LSAMP: variants seen among roughly 807,000 people sequenced by gnomAD.
The protein encoded by LSAMP is limbic system-associated membrane protein.
A neutral mutation model predicts 38.6 loss-of-function variants in LSAMP; 7 were observed. That is an observed-to-expected ratio of 0.18 (90% CI 0.10 to 0.34). The LOEUF (loss-of-function observed/expected upper bound fraction) is 0.34, where lower values mean the gene tolerates loss of function less well. LSAMP is among the 10% of genes least tolerant of loss of function. The probability of loss-of-function intolerance (pLI) is 1.00; values close to 1 mark genes in which losing one functional copy is unlikely to be tolerated. For missense variants in LSAMP, 313 were observed against 420.0 expected, an observed-to-expected ratio of 0.75 and a Z score of 2.23; for synonymous variants, 154 against 166.8, an observed-to-expected ratio of 0.92 and a Z score of 0.59.
intron 1 of LSAMP, among the ~76,000 whole-genome samples, chr3:116,123,660 A>G (rs1708938824): frequency 6.6e-6 from 1 of 152,222 alleles, no homozygotes; most frequent in Non-Finnish European, 1.5e-5. Context: ...GGATAAGGGT[A>G]TCCATGATGC....
chr3:116,379,900 A>C (rs2048535512), intron 1 of LSAMP, among the ~76,000 whole-genome samples: 3 of 152,068 alleles, frequency 2.0e-5, no homozygotes. Flanking sequence ...CCTTCATTTC[A>C]CTCAGATCGC....
chr3:116,046,938 A>C (rs1218743715), intron 2 of LSAMP, among the ~76,000 whole-genome samples: 1 of 152,204 alleles, frequency 6.6e-6, no homozygotes, highest in Non-Finnish European at 1.5e-5. Context: ...CCAGTCAGGC[A>C]GATGAAAAAA....
chr3:116,126,244 G>A (rs1265658143), intron 1 of LSAMP, among the ~76,000 whole-genome samples: 2 of 152,068 alleles, frequency 1.3e-5, no homozygotes, highest in African/African-American at 2.4e-5. Context: ...CCTGAATCTC[G>A]GCCACATCAA....
chr3:116,102,167 T>C (rs1302287121), intron 1 of LSAMP, among the ~76,000 whole-genome samples: 3 of 152,196 alleles, frequency 2.0e-5, no homozygotes, highest in East Asian at 3.8e-4. Context: ...TCTCCACTGA[T>C]CCTTTGTCTG....
chr3:116,283,989 G>A (rs994524904), intron 1 of LSAMP, among the ~76,000 whole-genome samples: 2 of 152,136 alleles, frequency 1.3e-5, no homozygotes, highest in Non-Finnish European at 1.5e-5. Context: ...CTGGGTGATA[G>A]AGTGAGACTC....
intron 3 of LSAMP, among the ~76,000 whole-genome samples, chr3:115,991,439 C>T (rs1052619976): frequency 5.3e-5 from 8 of 152,028 alleles, no homozygotes; most frequent in African/African-American, 1.9e-4. Context: ...TATACATGTG[C>T]ATGCCTGTGG....
intron 3 of LSAMP, among the ~76,000 whole-genome samples, chr3:115,964,426 T>G (rs1938731083): frequency 1.3e-5 from 2 of 152,304 alleles, no homozygotes; most frequent in South Asian, 4.1e-4. Flanking sequence ...GTACCTAATT[T>G]ACTTACATGA....
chr3:116,421,014 G>A (rs143567947), intron 1 of LSAMP, among the ~76,000 whole-genome samples: 5 of 152,238 alleles, frequency 3.3e-5, no homozygotes, highest in Admixed American at 1.3e-4. Flanking sequence ...CTGCCTCATA[G>A]CATACATAGA....
At chr3:116,368,020 A>C (rs1286527741) in intron 1 of LSAMP, 1 of 152,202 alleles carries the variant, frequency 6.6e-6, no homozygotes, top group African/African-American at 2.4e-5. Context: ...AAACTAATGA[A>C]ATGAGTGGCA....
At chr3:116,352,571 G>C (rs1165484840) in intron 1 of LSAMP, among the ~76,000 whole-genome samples, 1 of 152,084 alleles carries the variant, frequency 6.6e-6, no homozygotes, top group Non-Finnish European at 1.5e-5. Context: ...GTGCTCTAAT[G>C]TGGAAATAGT....
chr3:116,410,600 A>G (rs1017334948), intron 1 of LSAMP, among the ~76,000 whole-genome samples: 4 of 152,038 alleles, frequency 2.6e-5, no homozygotes, highest in African/African-American at 7.2e-5. Flanking sequence ...TCATAGCAAA[A>G]TTCAGGTCAC....
chr3:115,922,186 C>T lies in LSAMP; in HGVS notation c.515-69569G>A, dbSNP rs1028825125. ...AACAAGCTTTTTGCTTCCTTCTCTC[C>T]TCCTTCTGGAATTTCCATAATGCCT... On this transcript the variant is annotated intron_variant, in intron 3 of 6. Coordinates refer to ENST00000490035, the MANE Select transcript of LSAMP (RefSeq NM_002338.5). 5.9e-5 allele frequency among the ~76,000 whole-genome samples: 9 copies of T among 152,084 alleles called. No individual in the cohort carries two copies. The East Asian group carries it at 1.7e-3, about 29-fold the overall frequency.
intron 1 of LSAMP, among the ~76,000 whole-genome samples, chr3:116,140,742 CT>C (rs1385015287): frequency 6.6e-6 from 1 of 151,924 alleles, no homozygotes; most frequent in South Asian, 2.1e-4. Context: ...CAATATGTAT[CT>C]GCTCAAGGGT....
At chr3:116,020,744 T>C (rs1027342369) in intron 2 of LSAMP, among the ~76,000 whole-genome samples, 2 of 152,216 alleles carry the variant, frequency 1.3e-5, no homozygotes, top group African/African-American at 4.8e-5. Flanking sequence ...ACAGAGGTTA[T>C]GCACTGATTA....
In LSAMP at chr3:115,852,026, G is replaced by A. The variant is rs984746808; in HGVS notation, c.649+457C>T. The stretch of plus-strand genomic sequence containing the variant: ...GGACACATGGTGTCTGACCAGAGTG[G>A]CTCTAATTTGTTCCCAAGGCCAATT... On this transcript the variant is annotated intron_variant, in intron 4 of 6. Transcript: ENST00000490035. 2.0e-5 allele frequency among the ~76,000 whole-genome samples: 3 copies of A among 152,166 alleles called. No individual in the cohort carries two copies. The East Asian group carries it at 5.8e-4, about 29-fold the overall frequency.
chr3:116,032,659 T>C lies in LSAMP; in HGVS notation c.389-13019A>G, dbSNP rs1343647. Among the ~76,000 whole-genome samples the C allele has an allele frequency of 9.4e-3, 1,433 of 152,088 alleles. 22 individuals carry two copies. Among genetic ancestry groups the C allele is most frequent in the African/African-American group, 0.031 (1,284 of 41,490 alleles). On this transcript the variant is annotated intron_variant, in intron 2 of 6. Transcript: ENST00000490035. ...AAAAATTTATGGAAAAAAAATTAGC[T>C]GGACATGGTGGCACACACCTGTAGT... is the stretch of plus-strand genomic sequence containing the variant.
intron 1 of LSAMP, among the ~76,000 whole-genome samples, chr3:116,272,412 C>T (rs923677634): frequency 2.6e-5 from 4 of 152,108 alleles, no homozygotes; most frequent in African/African-American, 9.7e-5. Flanking sequence ...CATCTTATTG[C>T]ACTTATCGAA....
chr3:115,972,837 A>G (rs1259616481), intron 3 of LSAMP, among the ~76,000 whole-genome samples: 1 of 149,868 alleles, frequency 6.7e-6, no homozygotes, highest in Non-Finnish European at 1.5e-5. Flanking sequence ...CAATGCATGT[A>G]ACACATTTAA....
intron 4 of LSAMP, among the ~76,000 whole-genome samples, chr3:115,844,899 C>T (rs1454570950): frequency 6.6e-6 from 1 of 152,098 alleles, no homozygotes; most frequent in Non-Finnish European, 1.5e-5. Context: ...ATTGCCTGAA[C>T]CCAGGAGATG....
Sources: allele counts gnomAD v4.1 joint callset (sites outside exome capture counted in the v4.1 genomes callset), GRCh38; gene constraint gnomAD v4.1.1; transcripts MANE v1.5; gene names NCBI Gene and HGNC (gene_info 2026-07-23, HGNC 2026-07-21).